Variants in GRIA3 observed in about 807,000 individuals in gnomAD.
GRIA3 encodes the protein glutamate ionotropic receptor AMPA type subunit 3.
A neutral mutation model predicts 63.0 loss-of-function variants in GRIA3; 3 were observed. The observed-to-expected ratio is 0.05, with a 90% CI of 0.02 to 0.12. The LOEUF (loss-of-function observed/expected upper bound fraction) is 0.12. Ranked by LOEUF, GRIA3 falls within the 10% of genes least tolerant of loss-of-function variation. GRIA3 has a pLI of 1.00. For synonymous variants in GRIA3, 274 were observed against 257.9 expected, an observed-to-expected ratio of 1.06 and a Z score of -0.60; for missense variants, 347 against 700.9, an observed-to-expected ratio of 0.50 and a Z score of 5.70.
At chrX:123,243,572 G>A (rs1361099314) in intron 2 of GRIA3, among the ~76,000 whole-genome samples, 1 of 111,678 alleles carries the variant, frequency 9.0e-6, no homozygotes, top group Non-Finnish European at 1.9e-5. Context: ...CCTTTCCCTC[G>A]CCTAATCTAA....
chrX:123,474,152 C>G (rs1313269539), intron 13 of GRIA3, among the ~76,000 whole-genome samples: 1 of 111,426 alleles, frequency 9.0e-6, no homozygotes, highest in Non-Finnish European at 1.9e-5. Flanking sequence ...CAGATTATTT[C>G]ACAGAATCAA....
At chrX:123,466,239 G>C (rs1156802421) in intron 13 of GRIA3, among the ~76,000 whole-genome samples, 1 of 111,716 alleles carries the variant, frequency 9.0e-6, no homozygotes, top group Non-Finnish European at 1.9e-5. Flanking sequence ...TTGAGTAAGG[G>C]TGGCTTCTTC....
At chrX:123,415,306 A>C (rs1206162139) in intron 10 of GRIA3, among the ~76,000 whole-genome samples, 2 of 112,308 alleles carry the variant, frequency 1.8e-5, no homozygotes, top group Non-Finnish European at 3.8e-5. Context: ...GAAAAATTAA[A>C]GATGTAAAAG....
chrX:123,228,625 T>C (rs775353244), intron 2 of GRIA3, among the ~76,000 whole-genome samples: 1 of 111,949 alleles, frequency 8.9e-6, no homozygotes, highest in South Asian at 3.8e-4. Context: ...TGATGCCTTC[T>C]GGTATTAAGG....
chrX:123,257,621 A>C (rs2044427043), intron 3 of GRIA3, among the ~76,000 whole-genome samples: 1 of 111,635 alleles, frequency 9.0e-6, no homozygotes, highest in East Asian at 2.8e-4. Flanking sequence ...TTTAGTAATA[A>C]AAATTACAGG....
intron 3 of GRIA3, among the ~76,000 whole-genome samples, chrX:123,310,697 G>T (rs1345849411): frequency 8.9e-6 from 1 of 111,914 alleles, no homozygotes; most frequent in Middle Eastern, 4.6e-3. Flanking sequence ...GCCTCCTTTT[G>T]TCTCTTATCA....
chrX:123,341,791 T>C (rs2045010353), intron 4 of GRIA3, among the ~76,000 whole-genome samples: 1 of 112,003 alleles, frequency 8.9e-6, no homozygotes, highest in African/African-American at 3.2e-5. Flanking sequence ...TCACGGAGTC[T>C]AAAGAAAAAA....
Position 123,253,321 on chromosome X carries a change from G to C in GRIA3, c.287G>C (p.Arg96Thr), listed in dbSNP as rs764021250. The change falls in exon 3 of 16, where the codon AGA becomes ACA. Residue 96 changes from arginine (R) to threonine (T), a missense_variant. Physicochemically the swap from Arg to Thr is moderately conservative, Grantham distance 71. This residue lies in a region of GRIA3 where 29 missense variants were observed against 69.4 expected (regional missense o/e 0.42). Transcript: ENST00000620443. ...ATTGCAGTCTGCTCCCAGTTCTCGAGAGGGGTGTATGCCATCTTTGGATTC... is the reference window on the plus strand; with the variant it reads ...ATTGCAGTCTGCTCCCAGTTCTCGACAGGGGTGTATGCCATCTTTGGATTC... ...VTNAFCSQFS[R>T]GVYAIFGFYD... is the part of the protein sequence containing the mutation. The C allele has an allele frequency of 2.5e-6, 3 of 1,209,061 alleles. No individual in the cohort carries two copies. Among genetic ancestry groups the C allele is most frequent in the Non-Finnish European group, 1.1e-6 (1 of 893,012 alleles).
In GRIA3 at chrX:123,285,390, A is replaced by G. The variant is rs1404131091; in HGVS notation, c.508+31848A>G. Among the ~76,000 whole-genome samples, 3 of 109,936 alleles carry G rather than the reference A, an allele frequency of 2.7e-5. No homozygotes were observed. In the Admixed American group the frequency reaches 2.9e-4, roughly 11 times the overall value. On this transcript the variant is annotated intron_variant, in intron 3 of 15. Coordinates refer to ENST00000620443, the MANE Select transcript of GRIA3 (RefSeq NM_007325.5). ...GCATCATAATGACAGGATCAAATTC[A>G]CACATAACAATATTACCCTTAAATG... is the stretch of plus-strand genomic sequence containing the variant.
At chrX:123,204,457 C>T (rs1248779068) in intron 2 of GRIA3, 1 of 1,159,373 alleles carries the variant, frequency 8.6e-7, no homozygotes, top group South Asian at 1.9e-5. Flanking sequence ...TACCTCCTCC[C>T]TTCTTGAGTT....
At chrX:123,245,205 G>A (rs916190526) in intron 2 of GRIA3, among the ~76,000 whole-genome samples, 1 of 112,355 alleles carries the variant, frequency 8.9e-6, no homozygotes, top group Non-Finnish European at 1.9e-5. Flanking sequence ...TGGAACAAGA[G>A]CAATGCATTA....
At chrX:123,241,288 C>T (rs911666429) in intron 2 of GRIA3, among the ~76,000 whole-genome samples, 2 of 110,965 alleles carry the variant, frequency 1.8e-5, no homozygotes, top group East Asian at 2.8e-4. Context: ...ACCATTAGGA[C>T]GTTTTTAAAA....
chrX:123,203,624 C>T (rs192331573), intron 2 of GRIA3, among the ~76,000 whole-genome samples: 2 of 111,689 alleles, frequency 1.8e-5, no homozygotes, highest in East Asian at 2.8e-4. Flanking sequence ...CCACAGCAGA[C>T]GTCCATGCTC....
chrX:123,300,727 T>C (rs961468504), intron 3 of GRIA3, among the ~76,000 whole-genome samples: 2 of 110,059 alleles, frequency 1.8e-5, no homozygotes, highest in Admixed American at 9.8e-5. Flanking sequence ...ATTTGTTTGC[T>C]TCTGGCTCAT....
At position 123,490,009 on chromosome X, in the gene GRIA3, G is replaced by C. The variant is rs2045961088; in HGVS notation, c.*1299G>C. On this transcript the variant is annotated 3_prime_UTR_variant, in exon 16 of 16. Coordinates refer to ENST00000620443, the MANE Select transcript of GRIA3 (RefSeq NM_007325.5). ...CTCTCAGATCGCTCCACTGCTCCAT[G>C]GGCTATCAAGTAACTAACTGCATAC... 1 of 112,499 alleles carries C rather than the reference G, an allele frequency of 8.9e-6. No homozygotes were observed. The highest frequency in any genetic ancestry group is 9.4e-5 in the Admixed American group (1 of 10,660). The allele number at this position is 112,499 out of a possible 1,213,427, so 9.3% of individuals were successfully genotyped here.
At chrX:123,336,311 T>C (rs1341882422) in intron 4 of GRIA3, among the ~76,000 whole-genome samples, 1 of 112,496 alleles carries the variant, frequency 8.9e-6, no homozygotes, top group Non-Finnish European at 1.9e-5. Flanking sequence ...TACAAAGTTC[T>C]GGACTTTGAT....
At chrX:123,312,347 A>G (rs774525387) in intron 3 of GRIA3, among the ~76,000 whole-genome samples, 2 of 112,211 alleles carry the variant, frequency 1.8e-5, no homozygotes, top group African/African-American at 6.5e-5. Flanking sequence ...GTTTCCCACT[A>G]TCTCAATCAG....
At chrX:123,310,597 C>CT (rs2147322094) in intron 3 of GRIA3, among the ~76,000 whole-genome samples, 1 of 113,235 alleles carries the variant, frequency 8.8e-6, no homozygotes, top group Non-Finnish European at 1.9e-5. Flanking sequence ...TATTTGGGAA[C>CT]AATCAGGGTA....
At chrX:123,203,904 G>C (rs187779657) in intron 2 of GRIA3, among the ~76,000 whole-genome samples, 2 of 111,742 alleles carry the variant, frequency 1.8e-5, no homozygotes, top group Admixed American at 1.9e-4. Flanking sequence ...ATCCCTCTAG[G>C]GTGATTGTCA....
Sources: allele counts gnomAD v4.1 joint callset (sites outside exome capture counted in the v4.1 genomes callset), GRCh38; gene constraint gnomAD v4.1.1; regional missense constraint gnomAD v4.1.1; transcripts MANE v1.5; gene names NCBI Gene and HGNC (gene_info 2026-07-23, HGNC 2026-07-21).